Variants in EYS observed in about 807,000 individuals in gnomAD.
EYS encodes the protein EGF-like photoreceptor maintenance factor.
Under a neutral mutation model 282.1 loss-of-function variants are expected in EYS, and 250 were observed. That is an observed-to-expected ratio of 0.89 (90% CI 0.80 to 0.98). EYS has a LOEUF of 0.98. Among genes scored for constraint, EYS ranks in the 50% least tolerant of loss-of-function variants. The pLI is 0.00. For missense variants in EYS, 4,016 were observed against 3,709.0 expected (o/e 1.08, Z -2.15); for synonymous variants, 1,355 against 1,282.9 (o/e 1.06, Z -1.20).
Position 64,232,313 on chromosome 6 carries a change from C to G in EYS, c.6192-1489G>C, listed in dbSNP as rs1281171281. Reference sequence around the variant, plus strand: ...CGATGCTTGATCTCTAGTAGGCTCTCCAGTAAATATTGTATAAATAATTTT... The same window carrying G: ...CGATGCTTGATCTCTAGTAGGCTCTGCAGTAAATATTGTATAAATAATTTT... On this transcript the variant is annotated intron_variant, in intron 30 of 42. Coordinates refer to ENST00000503581, the MANE Select transcript of EYS (RefSeq NM_001142800.2). Among the ~76,000 whole-genome samples, 4 of 151,174 alleles carry G rather than the reference C, an allele frequency of 2.6e-5. No individual in the cohort carries two copies. The Admixed American group carries it at 2.7e-4, about 10-fold the overall frequency.
At chr6:64,657,619 A>T (rs1480885240) in intron 22 of EYS, among the ~76,000 whole-genome samples, 2 of 152,090 alleles carry the variant, frequency 1.3e-5, no homozygotes, top group Non-Finnish European at 2.9e-5. Context: ...TATGAAGCTT[A>T]GTTTGGCTGG....
In EYS at chr6:63,778,329, G is replaced by A. The variant is rs556158834; in HGVS notation, c.7724-149C>T. 141 of 819,054 alleles carry A rather than the reference G, an allele frequency of 1.7e-4. 1 individual carries two copies. Among genetic ancestry groups the A allele is most frequent in the South Asian group, 8.1e-4 (45 of 55,254 alleles). 50.7% of individuals were successfully genotyped at this position (819,054 alleles called of 1,614,324 possible). A position where few individuals can be genotyped will look rare whatever the true frequency, so the allele number is the denominator to read the frequency against. ...AAGAAATATAAGAATACAGAAATGC[G>A]CAGAGAAATTTTTTTTTAAAAGTCA... On this transcript the variant is annotated intron_variant, in intron 39 of 42. Coordinates refer to ENST00000503581, the MANE Select transcript of EYS (RefSeq NM_001142800.2).
At chr6:64,935,246 A>G (rs1768869221) in intron 15 of EYS, among the ~76,000 whole-genome samples, 1 of 151,892 alleles carries the variant, frequency 6.6e-6, no homozygotes, top group African/African-American at 2.4e-5. Context: ...GCAAAAGAGA[A>G]GAAGACATAT....
intron 36 of EYS, among the ~76,000 whole-genome samples, chr6:63,855,097 G>C (rs138985768): frequency 6.6e-6 from 1 of 152,200 alleles, no homozygotes; most frequent in Non-Finnish European, 1.5e-5. Context: ...GTTATTGCAG[G>C]AATTCTTAGA....
At chr6:64,973,176 A>G (rs1399444385) in intron 14 of EYS, among the ~76,000 whole-genome samples, 1 of 152,032 alleles carries the variant, frequency 6.6e-6, no homozygotes, top group Non-Finnish European at 1.5e-5. Flanking sequence ...ATATTCTTTG[A>G]CAAAATAATA....
chr6:64,590,046 A>G (rs1222010842), intron 26 of EYS, among the ~76,000 whole-genome samples, 177 bp downstream of exon 26: 2 of 152,136 alleles, frequency 1.3e-5, no homozygotes, highest in Admixed American at 6.6e-5. Context: ...GTGGCAGTGC[A>G]TAAAGAATAA....
At chr6:64,775,810 G>A (rs1325854248) in intron 22 of EYS, among the ~76,000 whole-genome samples, 1 of 151,878 alleles carries the variant, frequency 6.6e-6, no homozygotes, top group Non-Finnish European at 1.5e-5. Flanking sequence ...TGTAGAAAAG[G>A]GGATAAACAT....
intron 26 of EYS, among the ~76,000 whole-genome samples, chr6:64,445,070 A>G (rs1561998544): frequency 1.3e-5 from 2 of 152,240 alleles, no homozygotes; most frequent in African/African-American, 4.8e-5. Flanking sequence ...CTAACACACT[A>G]TCTAATAGAA....
At chr6:64,268,374 A>G (rs1276524520) in intron 30 of EYS, among the ~76,000 whole-genome samples, 1 of 152,138 alleles carries the variant, frequency 6.6e-6, no homozygotes, top group Admixed American at 6.6e-5. Context: ...TTTGGGGAAT[A>G]GAGATAGAGT....
intron 2 of EYS, among the ~76,000 whole-genome samples, chr6:65,593,900 A>T (rs1765316911): frequency 6.6e-6 from 1 of 151,952 alleles, no homozygotes. Flanking sequence ...CTTTTCCAAT[A>T]CTGAGTCTAC....
Position 64,974,845 on chromosome 6 carries a change from G to GAC in EYS, c.2259+22736_2259+22737insGT, listed in dbSNP as rs1341142391. On this transcript the variant is annotated intron_variant, in intron 14 of 42. Coordinates refer to ENST00000503581, the MANE Select transcript of EYS (RefSeq NM_001142800.2). Reference sequence around the variant, plus strand: ...ATTGAATGACATTGATAACATACAAGAGTAATGACAGTTTTATGGGTAAGA... The same window carrying GAC: ...ATTGAATGACATTGATAACATACAAGACAGTAATGACAGTTTTATGGGTAAGA... Among the ~76,000 whole-genome samples, 5 of 151,754 alleles carry GAC rather than the reference G, an allele frequency of 3.3e-5. No individual in the cohort carries two copies. In the East Asian group the frequency reaches 9.7e-4, roughly 29 times the overall value.
chr6:65,588,507 C>T (rs1765129725), intron 2 of EYS, among the ~76,000 whole-genome samples: 1 of 151,982 alleles, frequency 6.6e-6, no homozygotes, highest in Admixed American at 6.6e-5. Flanking sequence ...TGTCTGTTTC[C>T]TTCACTGATC....
intron 22 of EYS, among the ~76,000 whole-genome samples, chr6:64,688,341 G>T (rs377683509): frequency 5.3e-5 from 8 of 151,828 alleles, no homozygotes; most frequent in Non-Finnish European, 1.0e-4. Flanking sequence ...AGATCTTCCT[G>T]CTTTCTCTTA....
At chr6:63,929,425 G>T (rs1451966932) in intron 35 of EYS, among the ~76,000 whole-genome samples, 1 of 152,140 alleles carries the variant, frequency 6.6e-6, no homozygotes, top group Non-Finnish European at 1.5e-5. Context: ...TAGGTTAGAA[G>T]GAATAACATC....
Position 64,617,247 on chromosome 6 carries a change from GACA to G in EYS, c.3684+168_3684+170del, listed in dbSNP as rs1161444891. ...GGACTGAGGGTGCAAGTGATGCACGGACAACAAGGGAAAGAGGAATGCCGAGAA... is the reference window on the plus strand; with the variant it reads ...GGACTGAGGGTGCAAGTGATGCACGGACAAGGGAAAGAGGAATGCCGAGAA... On this transcript the variant is annotated intron_variant, in intron 24 of 42. Transcript: ENST00000503581. 5.3e-5 allele frequency among the ~76,000 whole-genome samples: 8 copies of G among 152,222 alleles called. No homozygotes were observed. In the South Asian group the frequency reaches 6.2e-4, roughly 12 times the overall value.
intron 14 of EYS, among the ~76,000 whole-genome samples, chr6:64,949,822 G>A (rs1253771794): frequency 1.3e-5 from 2 of 151,698 alleles, no homozygotes; most frequent in South Asian, 2.1e-4. Flanking sequence ...CAAGCCTCAG[G>A]TGCCTTCATA....
At chr6:65,327,094 G>A (rs1483002919) in intron 11 of EYS, among the ~76,000 whole-genome samples, 1 of 151,604 alleles carries the variant, frequency 6.6e-6, no homozygotes, top group East Asian at 1.9e-4. Context: ...ATTATTGATT[G>A]TAATGCAAAA....
intron 5 of EYS, among the ~76,000 whole-genome samples, chr6:65,409,531 G>T (rs569617433): frequency 3.9e-5 from 6 of 152,058 alleles, no homozygotes; most frequent in Non-Finnish European, 7.4e-5. Flanking sequence ...GTAAGGCTTT[G>T]GACAATTGAT....
intron 19 of EYS, among the ~76,000 whole-genome samples, chr6:64,884,014 G>A (rs1481302978): frequency 6.6e-6 from 1 of 151,500 alleles, no homozygotes; most frequent in Non-Finnish European, 1.5e-5. Context: ...AACCTCAACA[G>A]CTAATAGAAT....
Sources: gnomAD v4.1 joint callset for allele counts (sites outside exome capture counted in the v4.1 genomes callset) on GRCh38, gnomAD v4.1.1 for gene constraint, MANE v1.5 for transcripts, NCBI Gene and HGNC (gene_info 2026-07-23, HGNC 2026-07-21) for gene names.